Variants in DLG2 observed in about 807,000 individuals in gnomAD.
DLG2 encodes the protein disks large homolog 2.
Under a neutral mutation model 132.5 loss-of-function variants are expected in DLG2, and 45 were observed. The ratio of observed to expected loss-of-function variants is 0.34; its 90% CI spans 0.27 to 0.44. The LOEUF (loss-of-function observed/expected upper bound fraction) is 0.44. Ranked by LOEUF, DLG2 falls within the 20% of genes least tolerant of loss-of-function variation. The pLI is 1.00. For synonymous variants in DLG2, 424 were observed against 419.6 expected (o/e 1.01, Z -0.13); for missense variants, 1,045 against 1,196.9 (o/e 0.87, Z 1.87).
intron 14 of DLG2, among the ~76,000 whole-genome samples, chr11:83,957,886 T>C (rs754616803): frequency 6.6e-6 from 1 of 152,222 alleles, no homozygotes; most frequent in Non-Finnish European, 1.5e-5. Flanking sequence ...TCAGTCCATA[T>C]GCTATCTCCT....
intron 18 of DLG2, among the ~76,000 whole-genome samples, chr11:83,743,402 T>C (rs567280868): frequency 6.8e-6 from 1 of 147,918 alleles, no homozygotes; most frequent in African/African-American, 2.5e-5. Context: ...CTCTTTCACT[T>C]ACAATGTACA....
chr11:83,990,999 C>A (rs1424500677), intron 11 of DLG2, among the ~76,000 whole-genome samples: 3 of 152,090 alleles, frequency 2.0e-5, no homozygotes, highest in Non-Finnish European at 4.4e-5. Context: ...ACAAAAAAAC[C>A]CTTCCCTGTA....
At chr11:84,941,238 A>G (rs1448408124) in intron 6 of DLG2, among the ~76,000 whole-genome samples, 1 of 152,098 alleles carries the variant, frequency 6.6e-6, no homozygotes, top group African/African-American at 2.4e-5. Context: ...TAAAATTTTT[A>G]AGATTGTTTT....
At chr11:84,463,738 C>A (rs1293148653) in intron 7 of DLG2, among the ~76,000 whole-genome samples, 1 of 151,120 alleles carries the variant, frequency 6.6e-6, no homozygotes, top group East Asian at 1.9e-4. Flanking sequence ...CTGGATGAAA[C>A]AAGGAATGTG....
chr11:84,591,537 T>G (rs993272180), intron 6 of DLG2, among the ~76,000 whole-genome samples: 15 of 151,896 alleles, frequency 9.9e-5, no homozygotes, highest in African/African-American at 3.4e-4. Flanking sequence ...GGCAAATGCC[T>G]GTAATCTCAG....
intron 18 of DLG2, among the ~76,000 whole-genome samples, chr11:83,675,744 A>G (rs889434275): frequency 6.6e-6 from 1 of 152,192 alleles, no homozygotes; most frequent in Non-Finnish European, 1.5e-5. Context: ...GATTTCTGCA[A>G]TAGTGCCAAC....
intron 3 of DLG2, among the ~76,000 whole-genome samples, chr11:85,456,672 G>A (rs377079572): frequency 1.4e-4 from 21 of 151,986 alleles, no homozygotes; most frequent in Admixed American, 2.0e-4. Flanking sequence ...TTCTGTCTTT[G>A]TTTTCATTTG....
intron 8 of DLG2, among the ~76,000 whole-genome samples, chr11:84,170,382 T>C (rs2095793234): frequency 6.6e-6 from 1 of 152,196 alleles, no homozygotes; most frequent in African/African-American, 2.4e-5. Context: ...GCACTGGAGA[T>C]ACAAAGTTGG....
chr11:84,121,358 TA>T (rs1421108879), intron 9 of DLG2, among the ~76,000 whole-genome samples: 1 of 152,176 alleles, frequency 6.6e-6, no homozygotes, highest in Non-Finnish European at 1.5e-5. Flanking sequence ...ACTCTATGTT[TA>T]TTACAGAACT....
intron 6 of DLG2, among the ~76,000 whole-genome samples, chr11:84,908,078 A>C (rs2091713572): frequency 6.6e-6 from 1 of 152,128 alleles, no homozygotes; most frequent in Non-Finnish European, 1.5e-5. Context: ...GGGCCTCTCC[A>C]TCCATGGAAA....
intron 6 of DLG2, among the ~76,000 whole-genome samples, chr11:85,007,433 G>A (rs979441609): frequency 2.0e-5 from 3 of 151,928 alleles, no homozygotes; most frequent in African/African-American, 7.2e-5. Flanking sequence ...AGCTAAGGCG[G>A]GTGGATCACG....
rs192322854 is a variant in DLG2 at position 85,009,724 on chromosome 11, G to A, written c.357+101937C>T. On this transcript the variant is annotated intron_variant, in intron 6 of 27. Coordinates refer to ENST00000376104, the MANE Select transcript of DLG2 (RefSeq NM_001142699.3). Reference sequence around the variant, plus strand: ...AAACGCCAAGAAGCTTATTTTAAACGCAAAACCCATTTTTAAACGGTCAGA... The same window carrying A: ...AAACGCCAAGAAGCTTATTTTAAACACAAAACCCATTTTTAAACGGTCAGA... 1.0e-3 allele frequency among the ~76,000 whole-genome samples: 154 copies of A among 151,954 alleles called. 2 individuals carry two copies. Among genetic ancestry groups the A allele is most frequent in the Non-Finnish European group, 1.8e-3 (122 of 67,868 alleles).
At chr11:85,334,159 G>C (rs1197191520) in intron 3 of DLG2, among the ~76,000 whole-genome samples, 3 of 151,950 alleles carry the variant, frequency 2.0e-5, no homozygotes, top group Non-Finnish European at 1.5e-5. Flanking sequence ...TTCAATCTTG[G>C]GACATTTTAT....
chr11:84,430,294 C>T (rs931219058), intron 7 of DLG2, among the ~76,000 whole-genome samples: 1 of 151,814 alleles, frequency 6.6e-6, no homozygotes, highest in African/African-American at 2.4e-5. Flanking sequence ...AAAAAATTAG[C>T]TGAGCTTGGT....
In DLG2 at chr11:85,349,847, G is replaced by T. The variant is rs951631493; in HGVS notation, c.41-64482C>A. Among the ~76,000 whole-genome samples, 17 of 152,194 alleles carry T rather than the reference G, an allele frequency of 1.1e-4. No individual in the cohort carries two copies. In the South Asian group the frequency reaches 1.2e-3, roughly 11 times the overall value. On this transcript the variant is annotated intron_variant, in intron 3 of 27. Coordinates refer to ENST00000376104, the MANE Select transcript of DLG2 (RefSeq NM_001142699.3). ...TTTGGTTGGTTCCAAGTCTTTGCTA[G>T]TGTGAATAGTGCTGCAGTAAACATA...
intron 11 of DLG2, among the ~76,000 whole-genome samples, chr11:84,039,136 A>G (rs554970142): frequency 1.3e-5 from 2 of 152,000 alleles, no homozygotes; most frequent in East Asian, 3.9e-4. Flanking sequence ...ATTTCAGTAC[A>G]TTCATTTTAT....
chr11:84,135,578 G>A (rs550091551), intron 9 of DLG2, among the ~76,000 whole-genome samples: 2 of 152,162 alleles, frequency 1.3e-5, no homozygotes, highest in South Asian at 4.1e-4. Context: ...CAGTAGTCAG[G>A]CAAAGAGAGT....
At chr11:85,571,832 C>A (rs900473669) in intron 3 of DLG2, among the ~76,000 whole-genome samples, 7 of 152,088 alleles carry the variant, frequency 4.6e-5, no homozygotes, top group Non-Finnish European at 8.8e-5. Context: ...ACTGGGTTTA[C>A]TATTTTAGTA....
intron 5 of DLG2, among the ~76,000 whole-genome samples, chr11:85,148,884 T>C (rs1360076829): frequency 1.3e-5 from 2 of 152,204 alleles, no homozygotes; most frequent in Admixed American, 6.6e-5. Context: ...TGGTTTTGGG[T>C]TTACATTTAA....
Sources: gnomAD v4.1 joint callset for allele counts (sites outside exome capture counted in the v4.1 genomes callset) on GRCh38, gnomAD v4.1.1 for gene constraint, MANE v1.5 for transcripts, NCBI Gene and HGNC (gene_info 2026-07-23, HGNC 2026-07-21) for gene names.